The following ADAMTSL3 variants were observed in gnomAD, a reference collection of about 807,000 sequenced individuals.
The protein encoded by ADAMTSL3 is ADAMTS-like protein 3.
In ADAMTSL3, 128 loss-of-function variants were observed where a neutral mutation model predicts 201.7. The ratio of observed to expected loss-of-function variants is 0.63; its 90% CI spans 0.55 to 0.73. The LOEUF is 0.73. ADAMTSL3 is among the 30% of genes least tolerant of loss of function. ADAMTSL3 has a pLI of 0.00. For synonymous variants in ADAMTSL3, 738 were observed against 748.4 expected (o/e 0.99, Z 0.23); for missense variants, 1,990 against 2,119.6 (o/e 0.94, Z 1.20).
intron 4 of ADAMTSL3, among the ~76,000 whole-genome samples, chr15:83,774,144 C>T (rs922625940): frequency 8.5e-5 from 13 of 152,160 alleles, no homozygotes. Context: ...TAAGCCTGTG[C>T]TTATCATTGT....
chr15:84,013,211 T>G (rs1369238759), intron 23 of ADAMTSL3, among the ~76,000 whole-genome samples: 1 of 152,080 alleles, frequency 6.6e-6, no homozygotes. Context: ...GGACCTGAAG[T>G]CAAAAGGCTT....
At chr15:83,895,281 C>T (rs543023736) in intron 13 of ADAMTSL3, among the ~76,000 whole-genome samples, 2 of 152,222 alleles carry the variant, frequency 1.3e-5, no homozygotes, top group Non-Finnish European at 2.9e-5. Flanking sequence ...GATTTGTTAT[C>T]GAGACATTAG....
intron 5 of ADAMTSL3, 96 bp downstream of exon 5, chr15:83,804,791 A>C: frequency 1.1e-6 from 1 of 903,676 alleles, no homozygotes; most frequent in Non-Finnish European, 1.6e-6. Flanking sequence ...TGGTCTCTTA[A>C]TACCCTTTGT....
chr15:83,969,087 G>A (rs2067144407), intron 19 of ADAMTSL3, among the ~76,000 whole-genome samples: 2 of 152,086 alleles, frequency 1.3e-5, no homozygotes, highest in African/African-American at 4.8e-5. Context: ...AACCACCATG[G>A]CACATGTGGA....
At chr15:83,948,238 A>C (rs1441439251) in intron 19 of ADAMTSL3, among the ~76,000 whole-genome samples, 3 of 152,174 alleles carry the variant, frequency 2.0e-5, no homozygotes, top group Non-Finnish European at 4.4e-5. Context: ...CTGGCCAGTG[A>C]GAACCACTTA....
At chr15:83,732,822 A>T (rs2062302478) in intron 3 of ADAMTSL3, among the ~76,000 whole-genome samples, 1 of 152,116 alleles carries the variant, frequency 6.6e-6, no homozygotes, top group Admixed American at 6.5e-5. Context: ...TTTTGTGTTA[A>T]AGGGGTATGT....
At chr15:83,944,047 C>G (rs951935881) in intron 19 of ADAMTSL3, among the ~76,000 whole-genome samples, 1 of 152,108 alleles carries the variant, frequency 6.6e-6, no homozygotes, top group African/African-American at 2.4e-5. Context: ...ATGTCCTGGG[C>G]AGATGGAGCG....
chr15:83,708,904 C>T (rs2061892985), intron 3 of ADAMTSL3, among the ~76,000 whole-genome samples: 1 of 152,166 alleles, frequency 6.6e-6, no homozygotes. Context: ...GCCAAATGTG[C>T]AAATGACTTA....
intron 3 of ADAMTSL3, among the ~76,000 whole-genome samples, chr15:83,725,467 TG>T (rs1296001640): frequency 6.6e-6 from 1 of 152,172 alleles, no homozygotes; most frequent in African/African-American, 2.4e-5. Context: ...AAGAAATCTT[TG>T]CCCAGTCCAA....
rs892864576 is a variant in ADAMTSL3 at position 83,983,055 on chromosome 15, G to A, written c.3427G>A (p.Glu1143Lys). The A allele has an allele frequency of 1.2e-6, 2 of 1,614,114 alleles. No individual in the cohort carries two copies. The highest frequency in any genetic ancestry group is 4.5e-5 in the East Asian group (2 of 44,872). The change falls in exon 21 of 30, where the codon GAA becomes AAA. Residue 1143 changes from glutamate (E) to lysine (K), a missense_variant. Coordinates refer to ENST00000286744, the MANE Select transcript of ADAMTSL3 (RefSeq NM_207517.3). ...PTHMQWRGIQEETPPAAQLRG... is the reference protein window; with the variant it reads ...PTHMQWRGIQKETPPAAQLRG... ...ACACATGCAGTGGCGGGGCATCCAG[G>A]AAGAGACACCTCCTGCTGCTCAGCT...
At chr15:83,812,383 G>T (rs549090532) in intron 5 of ADAMTSL3, among the ~76,000 whole-genome samples, 6 of 152,166 alleles carry the variant, frequency 3.9e-5, no homozygotes, top group Non-Finnish European at 7.3e-5. Flanking sequence ...AATGGGGATG[G>T]TCATTCACTC....
intron 23 of ADAMTSL3, among the ~76,000 whole-genome samples, chr15:84,003,762 G>A (rs1293349848): frequency 6.6e-6 from 1 of 152,178 alleles, no homozygotes; most frequent in Non-Finnish European, 1.5e-5. Flanking sequence ...CCCCCAGGCA[G>A]CAGCAGAGAG....
At chr15:84,017,956 G>A (rs1157806339) in intron 25 of ADAMTSL3, among the ~76,000 whole-genome samples, 2 of 152,202 alleles carry the variant, frequency 1.3e-5, no homozygotes, top group South Asian at 2.1e-4. Context: ...CCTCTCTCTA[G>A]AGAAGTCAAC....
chr15:83,658,137 T>A (rs1296026928), intron 2 of ADAMTSL3, among the ~76,000 whole-genome samples: 1 of 152,210 alleles, frequency 6.6e-6, no homozygotes, highest in Non-Finnish European at 1.5e-5. Flanking sequence ...TGAGACATGG[T>A]TTCACACTGT....
At chr15:83,944,308 A>C (rs2066616445) in intron 19 of ADAMTSL3, among the ~76,000 whole-genome samples, 1 of 152,134 alleles carries the variant, frequency 6.6e-6, no homozygotes, top group African/African-American at 2.4e-5. Flanking sequence ...CTGCATCCTT[A>C]ACATCTGCAG....
chr15:83,703,047 A>C (rs1282506151), intron 2 of ADAMTSL3, among the ~76,000 whole-genome samples: 1 of 152,154 alleles, frequency 6.6e-6, no homozygotes, highest in Non-Finnish European at 1.5e-5. Flanking sequence ...CGTGACCTGG[A>C]CATGAGACCT....
At chr15:83,846,530 G>C (rs1250336741) in intron 7 of ADAMTSL3, among the ~76,000 whole-genome samples, 7 of 152,242 alleles carry the variant, frequency 4.6e-5, no homozygotes, top group Admixed American at 4.6e-4. Context: ...GGGAGCAAAG[G>C]CTGCCTCAGC....
intron 7 of ADAMTSL3, among the ~76,000 whole-genome samples, chr15:83,845,080 T>C (rs2064467765): frequency 6.6e-6 from 1 of 152,230 alleles, no homozygotes; most frequent in Non-Finnish European, 1.5e-5. Flanking sequence ...ACCTGGACCA[T>C]GTGTCTCCCT....
intron 27 of ADAMTSL3, among the ~76,000 whole-genome samples, chr15:84,028,193 A>G (rs772004268): frequency 9.2e-5 from 14 of 152,218 alleles, no homozygotes; most frequent in Non-Finnish European, 1.8e-4. Flanking sequence ...ATACAACTCT[A>G]AATTCCGTTA....
Sources: gnomAD v4.1 joint callset for allele counts (sites outside exome capture counted in the v4.1 genomes callset) on GRCh38, gnomAD v4.1.1 for gene constraint, MANE v1.5 for transcripts, NCBI Gene and HGNC (gene_info 2026-07-23, HGNC 2026-07-21) for gene names.